Variants in UBN2 observed in about 807,000 individuals in gnomAD.
The protein encoded by UBN2 is ubinuclein-2.
Under a neutral mutation model 120.2 loss-of-function variants are expected in UBN2, and 35 were observed. The observed-to-expected ratio is 0.29, with a 90% confidence interval of 0.22 to 0.39. The LOEUF (loss-of-function observed/expected upper bound fraction) is 0.39, where lower values mean the gene tolerates loss of function less well. UBN2 is among the 10% of genes least tolerant of loss of function. The pLI is 1.00. For missense variants in UBN2, 1,693 were observed against 1,663.2 expected (o/e 1.02, Z -0.31); for synonymous variants, 661 against 648.7 (o/e 1.02, Z -0.29).
At chr7:139,266,437 G>C in intron 7 of UBN2, 34 bp downstream of exon 7, 1 of 1,260,072 alleles carries the variant, frequency 7.9e-7, no homozygotes, top group Non-Finnish European at 1.1e-6. Flanking sequence ...AAAACCTTAA[G>C]AATGATACAT....
chr7:139,310,546 G>A (rs1342480366), downstream of UBN2, among the ~76,000 whole-genome samples: 5 of 152,170 alleles, frequency 3.3e-5, no homozygotes, highest in Non-Finnish European at 7.4e-5. Flanking sequence ...CAAGGGAGGC[G>A]GATCACTTGA....
chr7:139,297,639 C>A, intron 17 of UBN2, 148 bp from the exon 18 acceptor site: 1 of 667,070 alleles, frequency 1.5e-6, no homozygotes. Context: ...CTCTATAATG[C>A]TATATGGCAT....
chr7:139,278,529 T>C (rs1797514494), intron 12 of UBN2, among the ~76,000 whole-genome samples: 1 of 152,136 alleles, frequency 6.6e-6, no homozygotes, highest in African/African-American at 2.4e-5. Context: ...ACTTTGTGTT[T>C]TGTTTAACTT....
chr7:139,258,581 G>T lies in UBN2; in HGVS notation c.757G>T (p.Glu253Ter). The change falls in exon 4 of 18, where the codon GAA becomes TAA. Residue 253 changes from glutamate to a stop codon, truncating the protein, a stop_gained. Coordinates refer to ENST00000473989, the MANE Select transcript of UBN2 (RefSeq NM_173569.4). LOFTEE classifies it high-confidence loss of function. ...ACAGTTTCGCCAAGCTTCAGATACT[G>T]AAGAAGATGATATTACAGACAACCA... ...TLQFRQASDT[E>*]EDDITDNQKH... 1 of 1,606,424 alleles carries T rather than the reference G, an allele frequency of 6.2e-7. No individual in the cohort carries two copies. The highest frequency in any genetic ancestry group is 8.5e-7 in the Non-Finnish European group (1 of 1,175,802).
chr7:139,321,859 AAG>A, the UBN2 span, among the ~76,000 whole-genome samples: 5 of 152,204 alleles, frequency 3.3e-5, no homozygotes, highest in Non-Finnish European at 5.9e-5. Flanking sequence ...CAGTATGAGA[AAG>A]AGAAATGACA....
chr7:139,268,080 A>G (rs1797152373), intron 7 of UBN2, among the ~76,000 whole-genome samples: 1 of 152,176 alleles, frequency 6.6e-6, no homozygotes, highest in Admixed American at 6.5e-5. Context: ...TGTAAAAGGG[A>G]ACAACTGTTT....
intron 12 of UBN2, among the ~76,000 whole-genome samples, chr7:139,277,982 A>C (rs892344471): frequency 6.6e-6 from 1 of 152,168 alleles, no homozygotes; most frequent in African/African-American, 2.4e-5. Flanking sequence ...GTTTATCTCT[A>C]TTTCTGGAAT....
At chr7:139,317,619 C>T in the UBN2 span, among the ~76,000 whole-genome samples, 1 of 152,066 alleles carries the variant, frequency 6.6e-6, no homozygotes, top group African/African-American at 2.4e-5. Flanking sequence ...ATTTCTTCAG[C>T]TGATTTAGAT....
At chr7:139,238,855 G>A (rs1796233796) in intron 2 of UBN2, among the ~76,000 whole-genome samples, 1 of 152,134 alleles carries the variant, frequency 6.6e-6, no homozygotes, top group African/African-American at 2.4e-5. Flanking sequence ...GAATAGCATT[G>A]TAGTATTTAA....
rs764304489 is a variant in UBN2 at position 139,284,383 on chromosome 7, A to G, written c.3478A>G (p.Lys1160Glu). 3.1e-6 allele frequency: 5 copies of G among 1,614,202 alleles called. No individual in the cohort carries two copies. The highest frequency in any genetic ancestry group is 4.2e-6 in the Non-Finnish European group (5 of 1,180,038). Residue 1160 changes from lysine to glutamate, a missense_variant, in exon 15 of 18, where the codon AAG becomes GAG. This residue lies in a region of UBN2 where 837 missense variants were observed against 817.6 expected (regional missense o/e 1.02). Coordinates refer to ENST00000473989, the MANE Select transcript of UBN2 (RefSeq NM_173569.4). ...TNSSSTGTVG[K>E]NSLSGIAMNV... is the part of the protein sequence containing the mutation. Reference sequence around the variant, plus strand: ...CTCATCATCCACTGGAACTGTTGGGAAGAACAGCTTGAGTGGAATTGCAAT... The same window carrying G: ...CTCATCATCCACTGGAACTGTTGGGGAGAACAGCTTGAGTGGAATTGCAAT...
At chr7:139,323,867 G>T in the UBN2 span, among the ~76,000 whole-genome samples, 356 of 152,140 alleles carry the variant, frequency 2.3e-3, 3 homozygotes, top group Non-Finnish European at 3.8e-3. Flanking sequence ...AGGAAAAAGC[G>T]GTATTATTAT....
At position 139,261,676 on chromosome 7, in the gene UBN2, G is replaced by A; in HGVS notation, c.1330G>A (p.Val444Met). ...PTYTSQVMPK[V>M]VPTLPEGLPV... ...CTACACTTCTCAGGTTATGCCCAAAGTGGTACCTACACTCCCAGAGGGTCT... is the reference window on the plus strand; with the variant it reads ...CTACACTTCTCAGGTTATGCCCAAAATGGTACCTACACTCCCAGAGGGTCT... The change falls in exon 6 of 18, where the codon GTG becomes ATG. Residue 444 changes from valine to methionine, a missense_variant. By Grantham distance (21) the Val-to-Met change is conservative (BLOSUM62 1). Around this residue, in one of 5 missense-constraint regions of UBN2, gnomAD observed 663 missense variants for 591.2 expected, o/e 1.12. Coordinates refer to ENST00000473989, the MANE Select transcript of UBN2 (RefSeq NM_173569.4). The A allele has an allele frequency of 6.2e-7, 1 of 1,614,162 alleles. No homozygotes were observed. Among genetic ancestry groups the A allele is most frequent in the Admixed American group, 1.7e-5 (1 of 60,008 alleles).
downstream of UBN2, among the ~76,000 whole-genome samples, chr7:139,308,646 C>T (rs1036537134): frequency 2.0e-5 from 3 of 151,908 alleles, no homozygotes; most frequent in Non-Finnish European, 2.9e-5. Context: ...GAAGGCAGAG[C>T]GTGGGAGTCC....
chr7:139,265,208 A>T (rs1350479018), intron 6 of UBN2, among the ~76,000 whole-genome samples: 1 of 152,068 alleles, frequency 6.6e-6, no homozygotes, highest in Non-Finnish European at 1.5e-5. Context: ...AGATTTTTAA[A>T]ATATTGGCCG....
chr7:139,285,408 CTG>C (rs534054837), intron 15 of UBN2, among the ~76,000 whole-genome samples: 74 of 152,330 alleles, frequency 4.9e-4, no homozygotes, highest in African/African-American at 1.8e-3. Context: ...TCTTTCTGTG[CTG>C]TCACACTTGA....
intron 6 of UBN2, among the ~76,000 whole-genome samples, chr7:139,262,334 A>G (rs1796963233): frequency 2.0e-5 from 3 of 150,374 alleles, no homozygotes; most frequent in Non-Finnish European, 4.4e-5. Flanking sequence ...TCCTGACCTC[A>G]AGTGATCTGC....
chr7:139,231,815 G>T lies in UBN2; in HGVS notation c.331G>T (p.Glu111Ter). 1 of 1,458,906 alleles carries T rather than the reference G, an allele frequency of 6.9e-7. No homozygotes were observed. The highest frequency in any genetic ancestry group is 1.3e-5 in the South Asian group (1 of 75,602). The allele number at this position is 1,458,906 out of a possible 1,614,324, so 90.4% of individuals were successfully genotyped here. The change falls in exon 1 of 18, where the codon GAG (glutamate) becomes TAG (stop). Residue 111 changes from glutamate to a stop codon, truncating the protein, a stop_gained. Coordinates refer to ENST00000473989, the MANE Select transcript of UBN2 (RefSeq NM_173569.4). LOFTEE classifies it high-confidence loss of function. ...PLPLQPPPPRESASRAEQPPR... is the reference protein window; with the variant it reads ...PLPLQPPPPR ...GCCCTTGCAGCCGCCCCCGCCGCGGGAGTCGGCTTCCCGGGCTGAGCAGCC... is the reference window on the plus strand; with the variant it reads ...GCCCTTGCAGCCGCCCCCGCCGCGGTAGTCGGCTTCCCGGGCTGAGCAGCC...
the UBN2 span, among the ~76,000 whole-genome samples, chr7:139,320,211 C>T: frequency 1.3e-5 from 2 of 152,068 alleles, no homozygotes; most frequent in African/African-American, 2.4e-5. Flanking sequence ...CCTGTAATCC[C>T]AGCACTTTGT....
intron 2 of UBN2, among the ~76,000 whole-genome samples, chr7:139,241,428 A>AT (rs1482256737): frequency 6.6e-6 from 1 of 152,226 alleles, no homozygotes; most frequent in Non-Finnish European, 1.5e-5. Context: ...ATGAAATCAC[A>AT]TTATAACTTT....
Sources: allele counts gnomAD v4.1 joint callset (sites outside exome capture counted in the v4.1 genomes callset), GRCh38; gene constraint gnomAD v4.1.1; regional missense constraint gnomAD v4.1.1; transcripts MANE v1.5; gene names NCBI Gene and HGNC (gene_info 2026-07-23, HGNC 2026-07-21).